The following CFAP299 variants were observed in gnomAD, a reference collection of about 807,000 sequenced individuals.
CFAP299 encodes cilia and flagella associated protein 299.
A neutral mutation model predicts 27.0 loss-of-function variants in CFAP299; 21 were observed. The observed-to-expected ratio is 0.78, with a 90% CI of 0.55 to 1.12. The LOEUF (loss-of-function observed/expected upper bound fraction) is 1.12. Among genes scored for constraint, CFAP299 ranks in the 50% most tolerant of loss-of-function variants. The pLI is 0.00. For missense variants in CFAP299, 310 were observed against 276.6 expected, an observed-to-expected ratio of 1.12 and a Z score of -0.86; for synonymous variants, 104 against 98.1, an observed-to-expected ratio of 1.06 and a Z score of -0.36.
At chr4:80,406,709 C>T (rs1447547906) in intron 2 of CFAP299, among the ~76,000 whole-genome samples, 1 of 152,014 alleles carries the variant, frequency 6.6e-6, no homozygotes, top group Non-Finnish European at 1.5e-5. Flanking sequence ...TTACATCTAT[C>T]AGGTCAAAAA....
chr4:80,940,075 C>T (rs74749845), intron 4 of CFAP299, among the ~76,000 whole-genome samples: 5,817 of 152,168 alleles, frequency 0.038, 220 homozygotes, highest in African/African-American at 0.097. Context: ...ATCTCAGCAG[C>T]GCACATAGAA....
chr4:80,904,587 C>T (rs529143427), intron 4 of CFAP299, among the ~76,000 whole-genome samples: 2 of 151,144 alleles, frequency 1.3e-5, no homozygotes, highest in Non-Finnish European at 2.9e-5. Context: ...ATGGTAAGAT[C>T]TGGAGGGACT....
intron 4 of CFAP299, among the ~76,000 whole-genome samples, chr4:80,901,900 C>T (rs1200587041): frequency 3.3e-5 from 5 of 152,158 alleles, no homozygotes; most frequent in East Asian, 3.9e-4. Flanking sequence ...AGTTTTTCCC[C>T]GTCCTCCTAA....
chr4:80,323,894 A>G, the CFAP299 span, among the ~76,000 whole-genome samples: 1 of 152,194 alleles, frequency 6.6e-6, no homozygotes, highest in South Asian at 2.1e-4. Context: ...CAATAGTCAC[A>G]TTGTTTTTGA....
intron 2 of CFAP299, among the ~76,000 whole-genome samples, chr4:80,490,009 T>C (rs141064725): frequency 6.6e-6 from 1 of 152,294 alleles, no homozygotes; most frequent in East Asian, 1.9e-4. Flanking sequence ...TACATTAGTC[T>C]CTTGGGGGTT....
intron 3 of CFAP299, among the ~76,000 whole-genome samples, chr4:80,675,589 TTTAAGTCTGCAGAAG>T (rs962892290): frequency 4.6e-5 from 7 of 152,200 alleles, no homozygotes; most frequent in African/African-American, 1.2e-4. Flanking sequence ...GACAGGGACA[TTTAAGTCTGCAGAAG>T]TTTCTGCTGC....
chr4:80,761,830 A>C (rs1358290453), intron 3 of CFAP299, among the ~76,000 whole-genome samples: 1 of 152,094 alleles, frequency 6.6e-6, no homozygotes, highest in Non-Finnish European at 1.5e-5. Flanking sequence ...ATTTGTTTTA[A>C]GTAATAACTT....
chr4:80,664,500 C>T (rs1303833763), intron 3 of CFAP299, among the ~76,000 whole-genome samples: 1 of 152,140 alleles, frequency 6.6e-6, no homozygotes, highest in Non-Finnish European at 1.5e-5. Flanking sequence ...CCACCCAGTT[C>T]GAACTTCCTG....
At chr4:80,724,624 A>G (rs1723039084) in intron 3 of CFAP299, among the ~76,000 whole-genome samples, 1 of 151,948 alleles carries the variant, frequency 6.6e-6, no homozygotes, top group Admixed American at 6.6e-5. Context: ...CAGGCCTTTT[A>G]GTTGATTTTA....
intron 3 of CFAP299, among the ~76,000 whole-genome samples, chr4:80,817,999 A>G (rs1430227896): frequency 6.6e-6 from 1 of 150,918 alleles, no homozygotes; most frequent in Non-Finnish European, 1.5e-5. Flanking sequence ...CTCTTCCCCA[A>G]CCCCCTGCCT....
chr4:80,800,314 T>C (rs1487312342), intron 3 of CFAP299, among the ~76,000 whole-genome samples: 1 of 73,848 alleles, frequency 1.4e-5, no homozygotes, highest in Non-Finnish European at 2.3e-5. Context: ...ATATAAGATA[T>C]ATGATACATT....
intron 3 of CFAP299, among the ~76,000 whole-genome samples, chr4:80,678,059 C>A (rs1171888647): frequency 4.6e-5 from 7 of 151,966 alleles, no homozygotes; most frequent in Non-Finnish European, 1.0e-4. Flanking sequence ...TTAAATTTAT[C>A]ATCAATCTAG....
At chr4:80,335,212 A>G (rs1025132407), upstream of CFAP299, among the ~76,000 whole-genome samples, 4 of 152,166 alleles carry the variant, frequency 2.6e-5, no homozygotes, top group African/African-American at 9.7e-5. Flanking sequence ...CTGCAAAGAC[A>G]TTTTTTTGAC....
At chr4:80,868,903 C>G (rs1274968692) in intron 3 of CFAP299, among the ~76,000 whole-genome samples, 3 of 131,992 alleles carry the variant, frequency 2.3e-5, no homozygotes, top group Admixed American at 7.5e-5. Flanking sequence ...GGGCTTCTCT[C>G]TCTGTGTGTG....
intron 2 of CFAP299, among the ~76,000 whole-genome samples, chr4:80,480,196 A>T (rs1730485991): frequency 6.6e-6 from 1 of 151,888 alleles, no homozygotes; most frequent in African/African-American, 2.4e-5. Flanking sequence ...TTACATACAA[A>T]TGTTAGGTGG....
intron 3 of CFAP299, among the ~76,000 whole-genome samples, chr4:80,813,641 A>T (rs1178870115): frequency 6.6e-6 from 1 of 152,052 alleles, no homozygotes; most frequent in South Asian, 2.1e-4. Context: ...GACTGATTCA[A>T]TTCACACAGA....
chr4:80,962,949 A>G (rs1738417734), intron 5 of CFAP299, among the ~76,000 whole-genome samples: 1 of 152,102 alleles, frequency 6.6e-6, no homozygotes, highest in East Asian at 1.9e-4. Flanking sequence ...CTAGAAGCCT[A>G]TCAGTATGGT....
intron 2 of CFAP299, among the ~76,000 whole-genome samples, chr4:80,572,519 T>TTTTTTTTTTTG (rs1325733178): frequency 2.4e-5 from 3 of 124,280 alleles, no homozygotes; most frequent in African/African-American, 2.8e-5. Flanking sequence ...TTTTTTTTTT[T>TTTTTTTTTTTG]TTTTTTTTTT....
chr4:80,584,379 GT>G (rs1162994016), intron 3 of CFAP299, among the ~76,000 whole-genome samples: 1 of 152,034 alleles, frequency 6.6e-6, no homozygotes, highest in Non-Finnish European at 1.5e-5. Context: ...CATCTTAAGA[GT>G]ATTTCATGTA....
Sources: allele counts gnomAD v4.1 joint callset (sites outside exome capture counted in the v4.1 genomes callset), GRCh38; gene constraint gnomAD v4.1.1; transcripts MANE v1.5; gene names NCBI Gene and HGNC (gene_info 2026-07-23, HGNC 2026-07-21).